BTK: variants seen among roughly 807,000 people sequenced by gnomAD.
The protein encoded by BTK is Bruton tyrosine kinase.
In BTK, 5 loss-of-function variants were observed where a neutral mutation model predicts 57.4. That is an observed-to-expected ratio of 0.09 (90% CI 0.05 to 0.18). The LOEUF (loss-of-function observed/expected upper bound fraction) is 0.18. Among genes scored for constraint, BTK ranks in the 10% least tolerant of loss-of-function variants. The probability of loss-of-function intolerance (pLI) is 1.00; values close to 1 mark genes in which losing one functional copy is unlikely to be tolerated. For synonymous variants in BTK, 154 were observed against 174.3 expected (o/e 0.88, Z 0.92); for missense variants, 194 against 501.2 (o/e 0.39, Z 5.85).
intron 1 of BTK, 129 bp from the exon 2 acceptor site, chrX:101,375,443 C>T: frequency 3.2e-6 from 2 of 618,824 alleles, no homozygotes; most frequent in East Asian, 3.4e-5. Flanking sequence ...TTTCTTCCTA[C>T]CAACCTCCTC....
At chrX:101,384,213 G>A (rs1456582598) in intron 1 of BTK, among the ~76,000 whole-genome samples, 1 of 112,033 alleles carries the variant, frequency 8.9e-6, no homozygotes, top group Non-Finnish European at 1.9e-5. Context: ...TTGCTCAAAT[G>A]GAAATAGCAA....
chrX:101,356,069 A>G lies in BTK; in HGVS notation c.1549T>C (p.Phe517Leu). ...EAMEYLESKQFLHRDLAARNC... is the reference protein window; with the variant it reads ...EAMEYLESKQLLHRDLAARNC... ...GGTCCCACCAGGTCTCGGTGAAGGA[A>G]CTGCTTTGACTCCAGGTATTCCATG... Residue 517 changes from phenylalanine to leucine, a missense_variant, in exon 15 of 19, where the codon TTC (phenylalanine) becomes CTC (leucine). Transcript: ENST00000308731. 8.3e-7 allele frequency: 1 copy of G among 1,210,896 alleles called. No individual in the cohort carries two copies. Among genetic ancestry groups the G allele is most frequent in the Non-Finnish European group, 1.1e-6 (1 of 895,173 alleles).
intron 14 of BTK, 48 bp from the exon 15 acceptor site, chrX:101,356,316 T>C: frequency 1.8e-6 from 2 of 1,106,956 alleles, no homozygotes; most frequent in Non-Finnish European, 2.5e-6. Flanking sequence ...CTCTGCATAA[T>C]AGCAATAAAG....
At chrX:101,368,314 T>C (rs1926924980) in intron 5 of BTK, among the ~76,000 whole-genome samples, 2 of 112,695 alleles carry the variant, frequency 1.8e-5, no homozygotes, top group African/African-American at 6.4e-5. Flanking sequence ...AACTGAACTG[T>C]GTATTGCAGG....
chrX:101,351,809 ACAAAG>A (rs1487859531), intron 18 of BTK, among the ~76,000 whole-genome samples: 1 of 111,193 alleles, frequency 9.0e-6, no homozygotes, highest in Non-Finnish European at 1.9e-5. Flanking sequence ...GCAAAACAAA[ACAAAG>A]CAAACAAAAA....
intron 5 of BTK, among the ~76,000 whole-genome samples, chrX:101,363,548 G>A (rs373054488): frequency 4.0e-4 from 44 of 109,397 alleles, no homozygotes; most frequent in African/African-American, 1.4e-3. Context: ...GTGAAACCCC[G>A]TCTCCACTAA....
intron 8 of BTK, 33 bp downstream of exon 8, chrX:101,360,535 C>A (rs2147432376): frequency 8.3e-7 from 1 of 1,203,188 alleles, no homozygotes; most frequent in Non-Finnish European, 1.1e-6. Context: ...AGTGGGCAGG[C>A]ACCAGGCTCA....
At chrX:101,390,018 G>A (rs1390085787), upstream of BTK, among the ~76,000 whole-genome samples, 1 of 111,593 alleles carries the variant, frequency 9.0e-6, no homozygotes, top group Non-Finnish European at 1.9e-5. Context: ...TTAAAGGAAC[G>A]CGGGCTCTAG....
At chrX:101,376,735 G>C (rs1252752514) in intron 1 of BTK, among the ~76,000 whole-genome samples, 1 of 111,001 alleles carries the variant, frequency 9.0e-6, no homozygotes, top group East Asian at 2.8e-4. Flanking sequence ...CCTCTGGTGG[G>C]GGGGTGGGGG....
rs368369620 is a variant in BTK, at chrX:101,355,209, G to A, written c.1567-515C>T. ...GGAGAATTGCTTGAATCTGGGAGGC[G>A]GAGTTTGCAGTGAGCCGAGATGGTG... On this transcript the variant is annotated intron_variant, in intron 15 of 18. Coordinates refer to ENST00000308731, the MANE Select transcript of BTK (RefSeq NM_000061.3). 2.7e-4 allele frequency among the ~76,000 whole-genome samples: 30 copies of A among 112,384 alleles called. No individual in the cohort carries two copies. The East Asian group carries it at 7.3e-3, about 27-fold the overall frequency.
In BTK at chrX:101,349,490, C is replaced by T; in HGVS notation, c.*395G>A. On this transcript the variant is annotated 3_prime_UTR_variant, in exon 19 of 19. Coordinates refer to ENST00000308731, the MANE Select transcript of BTK (RefSeq NM_000061.3). ...TAATTTTATTTTATCAAAACACCCT[C>T]CCCTCCCATCTTTATGACACCATTT... 5.1e-6 allele frequency: 1 copy of T among 195,173 alleles called. No individual in the cohort carries two copies. The highest frequency in any genetic ancestry group is 9.6e-6 in the Non-Finnish European group (1 of 104,250). 16.1% of individuals were successfully genotyped at this position (195,173 alleles called of 1,213,427 possible).
Position 101,354,656 on chromosome X carries a change from A to G in BTK, c.1605T>C (p.Val535=). The G allele has an allele frequency of 1.7e-6, 2 of 1,212,035 alleles. No individual in the cohort carries two copies. Among genetic ancestry groups the G allele is most frequent in the Non-Finnish European group, 2.2e-6 (2 of 895,577 alleles). Residue 535 remains valine (V), a synonymous_variant, in exon 16 of 19, where the codon GTT becomes GTC. Transcript: ENST00000308731. Reference sequence around the variant, plus strand: ...TGGACAGGCCGAAATCAGATACTTTAACAACTCCTTGATCGTTTACCAAAC... The same window carrying G: ...TGGACAGGCCGAAATCAGATACTTTGACAACTCCTTGATCGTTTACCAAAC... ...RNCLVNDQGV[V]KVSDFGLSRY...
upstream of BTK, among the ~76,000 whole-genome samples, chrX:101,387,343 G>A (rs782022086): frequency 9.9e-6 from 1 of 101,353 alleles, no homozygotes; most frequent in South Asian, 4.9e-4. Flanking sequence ...ACAGGCCCTG[G>A]GACCTTTTTT....
intron 1 of BTK, among the ~76,000 whole-genome samples, chrX:101,377,649 C>T (rs2239461): frequency 0.5 from 55,268 of 110,104 alleles, 11,801 homozygotes; most frequent in African/African-American, 0.83. Context: ...TCTACTCTTT[C>T]TCTGTTTTAG....
chrX:101,353,795 G>T, intron 17 of BTK, 75 bp downstream of exon 17: 1 of 834,318 alleles, frequency 1.2e-6, no homozygotes, highest in Non-Finnish European at 1.8e-6. Flanking sequence ...CTCTGTGGAG[G>T]TTGCAAAGTG....
intron 1 of BTK, among the ~76,000 whole-genome samples, chrX:101,382,865 T>C (rs1459221473): frequency 1.8e-5 from 2 of 111,215 alleles, no homozygotes; most frequent in Non-Finnish European, 3.8e-5. Flanking sequence ...TTTCCATCGA[T>C]ATCAAAATAA....
At chrX:101,353,797 T>A in intron 17 of BTK, 73 bp downstream of exon 17, 1 of 860,971 alleles carries the variant, frequency 1.2e-6, no homozygotes, top group Non-Finnish European at 1.7e-6. Context: ...CTGTGGAGGT[T>A]GCAAAGTGTG....
At chrX:101,389,183 G>A (rs1325867219), upstream of BTK, among the ~76,000 whole-genome samples, 5 of 111,497 alleles carry the variant, frequency 4.5e-5, no homozygotes, top group African/African-American at 1.6e-4. Context: ...ATTTGACTGT[G>A]GTAATCATTA....
intron 7 of BTK, 114 bp downstream of exon 7, chrX:101,362,059 G>C (rs979949575): frequency 2.6e-6 from 2 of 771,041 alleles, no homozygotes; most frequent in Non-Finnish European, 4.0e-6. Flanking sequence ...ATCTTAGCAA[G>C]AATACCAATT....
Sources: gnomAD v4.1 joint callset for allele counts (sites outside exome capture counted in the v4.1 genomes callset) on GRCh38, gnomAD v4.1.1 for gene constraint, MANE v1.5 for transcripts, NCBI Gene and HGNC (gene_info 2026-07-23, HGNC 2026-07-21) for gene names.